Variants in WWOX observed in about 807,000 individuals in gnomAD.
WWOX encodes WW domain containing oxidoreductase.
A neutral mutation model predicts 46.2 loss-of-function variants in WWOX; 69 were observed. That is an observed-to-expected ratio of 1.49 (90% CI 1.23 to 1.82). The LOEUF (loss-of-function observed/expected upper bound fraction) is 1.82. WWOX is among the 40% of genes most tolerant of loss of function. The pLI is 0.00. For synonymous variants in WWOX, 359 were observed against 202.6 expected (o/e 1.77, Z -6.56); for missense variants, 919 against 542.6 (o/e 1.69, Z -6.89).
chr16:78,530,120 T>G (rs191601678), intron 8 of WWOX, among the ~76,000 whole-genome samples: 14 of 152,298 alleles, frequency 9.2e-5, no homozygotes, highest in Admixed American at 4.6e-4. Context: ...GTAAATGCTT[T>G]TGGGCACTGG....
intron 8 of WWOX, among the ~76,000 whole-genome samples, chr16:78,674,130 A>G (rs900526106): frequency 1.3e-5 from 2 of 152,138 alleles, no homozygotes; most frequent in Non-Finnish European, 1.5e-5. Flanking sequence ...ATATTTGGAA[A>G]TAAAATCCAA....
At chr16:78,761,615 G>T (rs952395256) in intron 8 of WWOX, among the ~76,000 whole-genome samples, 1 of 151,956 alleles carries the variant, frequency 6.6e-6, no homozygotes, top group African/African-American at 2.4e-5. Context: ...GGTTTGTGGG[G>T]GCGTCTGACA....
intron 8 of WWOX, among the ~76,000 whole-genome samples, chr16:78,976,014 A>T (rs1425784536): frequency 1.3e-5 from 2 of 152,128 alleles, no homozygotes. Flanking sequence ...TGGAGATGCC[A>T]TGTCCTTTCA....
At chr16:79,051,736 C>T (rs2048171497) in intron 8 of WWOX, among the ~76,000 whole-genome samples, 1 of 152,212 alleles carries the variant, frequency 6.6e-6, no homozygotes, top group Non-Finnish European at 1.5e-5. Flanking sequence ...ATTTCCTCCC[C>T]ATCTAATTAG....
chr16:78,136,608 G>A (rs2033798091), intron 4 of WWOX, among the ~76,000 whole-genome samples: 1 of 152,178 alleles, frequency 6.6e-6, no homozygotes, highest in Admixed American at 6.5e-5. Context: ...AGAGACTTGA[G>A]GAACGTAGAG....
At chr16:78,880,356 A>C (rs911585346) in intron 8 of WWOX, among the ~76,000 whole-genome samples, 1 of 152,186 alleles carries the variant, frequency 6.6e-6, no homozygotes, top group Non-Finnish European at 1.5e-5. Flanking sequence ...TGCTTTTAGC[A>C]TCCTGTTTTC....
chr16:78,837,921 C>T (rs995414974), intron 8 of WWOX, among the ~76,000 whole-genome samples: 1 of 152,136 alleles, frequency 6.6e-6, no homozygotes, highest in Non-Finnish European at 1.5e-5. Flanking sequence ...GTCCCAGGGA[C>T]CTACCTGCTC....
At position 78,341,905 on chromosome 16, in the gene WWOX, C is replaced by A. The variant is rs960604370; in HGVS notation, c.517-44955C>A. Among the ~76,000 whole-genome samples the A allele has an allele frequency of 3.3e-5, 4 of 119,460 alleles. 1 individual carries two copies. The highest frequency in any genetic ancestry group is 8.5e-5 in the African/African-American group (3 of 35,110). 78.4% of individuals were successfully genotyped at this position (119,460 alleles called of 152,430 possible). A position where few individuals can be genotyped will look rare whatever the true frequency, so the allele number is the denominator to read the frequency against. On this transcript the variant is annotated intron_variant, in intron 5 of 8. Transcript: ENST00000566780. ...TGAGGTGAGAGGATTGCTTGTCTTACAGGAGTTGAAGACTAGCCTTGGCAA... is the reference window on the plus strand; with the variant it reads ...TGAGGTGAGAGGATTGCTTGTCTTAAAGGAGTTGAAGACTAGCCTTGGCAA...
intron 8 of WWOX, among the ~76,000 whole-genome samples, chr16:78,792,973 G>T (rs1446440224): frequency 1.3e-5 from 2 of 152,146 alleles, no homozygotes; most frequent in African/African-American, 4.8e-5. Context: ...TCTTTATTTC[G>T]TTGGTGCTCA....
chr16:78,616,003 G>A (rs2046015199), intron 8 of WWOX, among the ~76,000 whole-genome samples: 1 of 152,066 alleles, frequency 6.6e-6, no homozygotes, highest in Non-Finnish European at 1.5e-5. Flanking sequence ...GCCTGCCTTG[G>A]CCTCCCAAAG....
At chr16:78,690,831 C>T (rs746795319) in intron 8 of WWOX, among the ~76,000 whole-genome samples, 2 of 152,168 alleles carry the variant, frequency 1.3e-5, no homozygotes, top group East Asian at 1.9e-4. Flanking sequence ...GTTTCAAGAG[C>T]TCCAGCAGCC....
At chr16:78,825,407 C>A (rs1405359035) in intron 8 of WWOX, 12 of 294,180 alleles carry the variant, frequency 4.1e-5, no homozygotes, top group Non-Finnish European at 8.3e-5. Flanking sequence ...CAAGTTACAC[C>A]CATCACGACA....
At chr16:78,715,677 A>G (rs923974220) in intron 8 of WWOX, among the ~76,000 whole-genome samples, 2 of 152,090 alleles carry the variant, frequency 1.3e-5, no homozygotes, top group African/African-American at 2.4e-5. Flanking sequence ...GGATTTCACT[A>G]TGTTGGCCAG....
chr16:78,946,129 T>C (rs1165942228), intron 8 of WWOX, among the ~76,000 whole-genome samples: 1 of 152,198 alleles, frequency 6.6e-6, no homozygotes, highest in Non-Finnish European at 1.5e-5. Context: ...AATTTTACTT[T>C]AATTCCCCCT....
At chr16:78,665,281 G>A (rs2047304618) in intron 8 of WWOX, among the ~76,000 whole-genome samples, 1 of 152,164 alleles carries the variant, frequency 6.6e-6, no homozygotes, top group South Asian at 2.1e-4. Flanking sequence ...AGGGAGTGTA[G>A]AGAAGAGAGT....
At chr16:78,157,060 C>G (rs763923194) in intron 4 of WWOX, among the ~76,000 whole-genome samples, 1 of 152,132 alleles carries the variant, frequency 6.6e-6, no homozygotes. Flanking sequence ...CATTTCCACT[C>G]TCTTACATCT....
rs576549830 is a variant in WWOX at position 78,561,391 on chromosome 16, C to T, written c.1056+128639C>T. On this transcript the variant is annotated intron_variant, in intron 8 of 8. Coordinates refer to ENST00000566780, the MANE Select transcript of WWOX (RefSeq NM_016373.4). ...GATTTTGATGTCTAGGTCTGGATTT[C>T]AAGGGCTCACGTGATGAGGATAGTT... 9.9e-5 allele frequency among the ~76,000 whole-genome samples: 15 copies of T among 152,170 alleles called. No homozygotes were observed. In the South Asian group the frequency reaches 3.1e-3, roughly 32 times the overall value.
intron 8 of WWOX, among the ~76,000 whole-genome samples, chr16:79,097,687 C>G (rs1672362370): frequency 6.6e-6 from 1 of 152,022 alleles, no homozygotes; most frequent in South Asian, 2.1e-4. Flanking sequence ...CAATTTAATT[C>G]TGTTTCCAAA....
intron 5 of WWOX, among the ~76,000 whole-genome samples, chr16:78,343,552 C>T (rs2081050072): frequency 8.3e-6 from 1 of 120,802 alleles, no homozygotes; most frequent in Non-Finnish European, 2.0e-5. Flanking sequence ...CCCCTTGAGT[C>T]TTCATTATGG....
Sources: allele counts gnomAD v4.1 joint callset (sites outside exome capture counted in the v4.1 genomes callset), GRCh38; gene constraint gnomAD v4.1.1; transcripts MANE v1.5; gene names NCBI Gene and HGNC (gene_info 2026-07-23, HGNC 2026-07-21).